The following PIEZO2 variants were observed in gnomAD, a reference collection of about 807,000 sequenced individuals.
PIEZO2 encodes piezo-type mechanosensitive ion channel component 2.
Under a neutral mutation model 337.3 loss-of-function variants are expected in PIEZO2, and 172 were observed. The observed-to-expected ratio is 0.51, with a 90% CI of 0.45 to 0.58. PIEZO2 has a LOEUF of 0.58. Among genes scored for constraint, PIEZO2 ranks in the 20% least tolerant of loss-of-function variants. The probability of loss-of-function intolerance (pLI) is 0.00; values close to 1 mark genes in which losing one functional copy is unlikely to be tolerated. For synonymous variants in PIEZO2, 1,251 were observed against 1,228.5 expected, an observed-to-expected ratio of 1.02 and a Z score of -0.38; for missense variants, 3,028 against 3,391.3, an observed-to-expected ratio of 0.89 and a Z score of 2.66.
chr18:10,697,623 G>A lies in PIEZO2; in HGVS notation c.6827+125C>T. The A allele has an allele frequency of 2.3e-6, 3 of 1,295,742 alleles. No individual in the cohort carries two copies. The East Asian group carries it at 7.1e-5, about 30-fold the overall frequency. 80.3% of individuals were successfully genotyped at this position (1,295,742 alleles called of 1,614,324 possible). Reference sequence around the variant, plus strand: ...AGACAAAAAGGGGTAATTTCATTCTGCCTTACGCAGATAACATTTGTGACA... The same window carrying A: ...AGACAAAAAGGGGTAATTTCATTCTACCTTACGCAGATAACATTTGTGACA... On this transcript the variant is annotated intron_variant, in intron 45 of 55. Transcript: ENST00000674853.
intron 7 of PIEZO2, among the ~76,000 whole-genome samples, chr18:10,844,898 G>A (rs894074104): frequency 4.0e-5 from 6 of 151,738 alleles, no homozygotes; most frequent in Non-Finnish European, 7.4e-5. Flanking sequence ...AAATAATGAC[G>A]GCACTTTCTA....
intron 3 of PIEZO2, among the ~76,000 whole-genome samples, chr18:10,921,307 A>C (rs2031381678): frequency 6.6e-6 from 1 of 152,260 alleles, no homozygotes; most frequent in Non-Finnish European, 1.5e-5. Context: ...GAAGTTAGGG[A>C]CCCCAAACAG....
chr18:11,140,228 A>G (rs567036199), intron 1 of PIEZO2, among the ~76,000 whole-genome samples: 1 of 152,292 alleles, frequency 6.6e-6, no homozygotes, highest in African/African-American at 2.4e-5. Flanking sequence ...CCCAAGGTGG[A>G]TGAGCAGATC....
At chr18:10,927,814 G>A (rs2031839361) in intron 3 of PIEZO2, among the ~76,000 whole-genome samples, 1 of 152,042 alleles carries the variant, frequency 6.6e-6, no homozygotes, top group African/African-American at 2.4e-5. Context: ...CAACTCGTAA[G>A]CTTTTCTGGG....
rs2036261709 is a variant in PIEZO2 at position 11,020,222 on chromosome 18, A to G, written c.161-40562T>C. ...AGATTGTGACTTTTAATTATGTTTTATGCAATTCCATAGTTTGTAATACTT... is the reference window on the plus strand; with the variant it reads ...AGATTGTGACTTTTAATTATGTTTTGTGCAATTCCATAGTTTGTAATACTT... On this transcript the variant is annotated intron_variant, in intron 2 of 55. Transcript: ENST00000674853. Among the ~76,000 whole-genome samples, 3 of 152,194 alleles carry G rather than the reference A, an allele frequency of 2.0e-5. No homozygotes were observed. The South Asian group carries it at 6.2e-4, about 31-fold the overall frequency.
chr18:11,148,806 C>G lies in PIEZO2; in HGVS notation c.-218G>C. 4.2e-6 allele frequency: 2 copies of G among 474,678 alleles called. No individual in the cohort carries two copies. Among genetic ancestry groups the G allele is most frequent in the Non-Finnish European group, 7.3e-6 (2 of 274,042 alleles). 29.4% of individuals were successfully genotyped at this position (474,678 alleles called of 1,614,324 possible). On this transcript the variant is annotated 5_prime_UTR_variant, in exon 1 of 56. Transcript: ENST00000674853. This position sits in a 1 kb window ranked among gnomAD's most constrained non-coding sequence, Gnocchi z 5.2. Reference sequence around the variant, plus strand: ...CACCGGGCTCTGGGTAGCCCCTCACCAGGCTCTTGGCGGCCACCTAGCCCG... The same window carrying G: ...CACCGGGCTCTGGGTAGCCCCTCACGAGGCTCTTGGCGGCCACCTAGCCCG...
rs978325857 is a variant in PIEZO2 at position 10,770,069 on chromosome 18, A to G, written c.2946+79T>C. ...ATGTAATGCGGATCACATTAAAAAA[A>G]TCATGGACAGCTGGAAAAGGAAAAT... On this transcript the variant is annotated intron_variant, in intron 21 of 55. Coordinates refer to ENST00000674853, the MANE Select transcript of PIEZO2 (RefSeq NM_001378183.1). 5.6e-6 allele frequency: 8 copies of G among 1,437,154 alleles called. No homozygotes were observed. In the African/African-American group the frequency reaches 1.1e-4, roughly 21 times the overall value. 89.0% of individuals were successfully genotyped at this position (1,437,154 alleles called of 1,614,324 possible). A position where few individuals can be genotyped will look rare whatever the true frequency, so the allele number is the denominator to read the frequency against.
At chr18:10,901,517 ACCTAAAGCAAGAAAG>A (rs1224088180) in intron 4 of PIEZO2, among the ~76,000 whole-genome samples, 1 of 152,050 alleles carries the variant, frequency 6.6e-6, no homozygotes, top group Admixed American at 6.6e-5. Flanking sequence ...TGCCACTGTG[ACCTAAAGCAAGAAAG>A]CAGGTTGGAT....
intron 7 of PIEZO2, among the ~76,000 whole-genome samples, chr18:10,841,006 C>A (rs1254950624): frequency 6.6e-6 from 1 of 152,148 alleles, no homozygotes; most frequent in African/African-American, 2.4e-5. Flanking sequence ...ATGTGTTTGC[C>A]AGCATCGTGA....
chr18:10,895,076 C>G lies in PIEZO2; in HGVS notation c.329+16110G>C, dbSNP rs773303468. 6.6e-6 allele frequency among the ~76,000 whole-genome samples: 1 copy of G among 152,164 alleles called. No individual in the cohort carries two copies. The highest frequency in any genetic ancestry group is 1.5e-5 in the Non-Finnish European group (1 of 68,028). On this transcript the variant is annotated intron_variant, in intron 4 of 55. Coordinates refer to ENST00000674853, the MANE Select transcript of PIEZO2 (RefSeq NM_001378183.1). The surrounding 1 kb of genome is among the most constrained non-coding windows in gnomAD (Gnocchi z 4.8). ...GAAGCCTCAGTGGGCTGTCATTTGC[C>G]CAGAGGCAACATGTGTCCTCCAGGC...
Position 10,982,204 on chromosome 18 carries a change from A to G in PIEZO2, c.161-2544T>C, listed in dbSNP as rs2034692733. 6.6e-6 allele frequency among the ~76,000 whole-genome samples: 1 copy of G among 152,174 alleles called. No individual in the cohort carries two copies. The highest frequency in any genetic ancestry group is 1.5e-5 in the Non-Finnish European group (1 of 68,030). On this transcript the variant is annotated intron_variant, in intron 2 of 55. Coordinates refer to ENST00000674853, the MANE Select transcript of PIEZO2 (RefSeq NM_001378183.1). This position sits in a 1 kb window ranked among gnomAD's most constrained non-coding sequence, Gnocchi z 4.1. The stretch of plus-strand genomic sequence containing the variant: ...TTTGCTTATTTGTTTGTAAATATCC[A>G]TTACTAGGTGTATTCGGGTTCTCTA...
rs1370822984 is a variant in PIEZO2 at position 10,750,731 on chromosome 18, T to C, written c.4168-544A>G. On this transcript the variant is annotated intron_variant, in intron 28 of 55. Transcript: ENST00000674853. This position sits in a 1 kb window ranked among gnomAD's most constrained non-coding sequence, Gnocchi z 4.1. ...TCTCATAACAATGAATTTTTTGTTA[T>C]AGTTAAGTTTAAATCCTGAGTTGGA... 4.6e-5 allele frequency among the ~76,000 whole-genome samples: 7 copies of C among 152,348 alleles called. No homozygotes were observed. The highest frequency in any genetic ancestry group is 4.1e-4 in the South Asian group (2 of 4,822).
At chr18:11,120,393 C>T (rs1336148842) in intron 1 of PIEZO2, among the ~76,000 whole-genome samples, 1 of 151,910 alleles carries the variant, frequency 6.6e-6, no homozygotes, top group Non-Finnish European at 1.5e-5. Context: ...TTTTTGCATC[C>T]TGAGGGAAGT....
Position 10,878,731 on chromosome 18 carries a change from T to C in PIEZO2, c.330-7316A>G, listed in dbSNP as rs2042331729. 6.7e-6 allele frequency among the ~76,000 whole-genome samples: 1 copy of C among 149,182 alleles called. No individual in the cohort carries two copies. Among genetic ancestry groups the C allele is most frequent in the South Asian group, 2.1e-4 (1 of 4,764 alleles). On this transcript the variant is annotated intron_variant, in intron 4 of 55. Transcript: ENST00000674853. The surrounding 1 kb of genome is among the most constrained non-coding windows in gnomAD (Gnocchi z 4.3). ...GTTGTGAAGTTATATATGAAGGAAG[T>C]AAAGTCAGAAACACAGGGTAAGGTC...
chr18:11,139,543 C>T (rs548897169), intron 1 of PIEZO2, among the ~76,000 whole-genome samples: 4 of 152,204 alleles, frequency 2.6e-5, no homozygotes, highest in African/African-American at 4.8e-5. Flanking sequence ...TACTCTCTCT[C>T]CCATTTATTT....
chr18:11,084,371 T>C (rs1313377838), intron 1 of PIEZO2, among the ~76,000 whole-genome samples: 1 of 152,164 alleles, frequency 6.6e-6, no homozygotes, highest in East Asian at 1.9e-4. Context: ...AGCCCTTCTT[T>C]CAGGTGAGTT....
intron 2 of PIEZO2, among the ~76,000 whole-genome samples, chr18:11,062,787 T>C (rs1438237893): frequency 6.6e-6 from 1 of 152,114 alleles, no homozygotes; most frequent in Non-Finnish European, 1.5e-5. Flanking sequence ...TGTGGAGAAA[T>C]AGGAACACTT....
chr18:10,883,292 G>A (rs1320638070), intron 4 of PIEZO2, among the ~76,000 whole-genome samples: 3 of 151,870 alleles, frequency 2.0e-5, no homozygotes, highest in African/African-American at 7.3e-5. Context: ...CCCAGCAATG[G>A]GATTGCTGGG....
intron 38 of PIEZO2, among the ~76,000 whole-genome samples, chr18:10,715,294 G>C (rs2035969214): frequency 6.6e-6 from 1 of 151,436 alleles, no homozygotes; most frequent in Admixed American, 6.7e-5. Context: ...TGATCAGGTG[G>C]GAGAAAACAA....
Sources: allele counts gnomAD v4.1 joint callset (sites outside exome capture counted in the v4.1 genomes callset), GRCh38; gene constraint gnomAD v4.1.1; non-coding constraint Gnocchi (gnomAD v3.1); transcripts MANE v1.5; gene names NCBI Gene and HGNC (gene_info 2026-07-23, HGNC 2026-07-21).